The following SRBD1 variants were observed in gnomAD, a reference collection of about 807,000 sequenced individuals.
The protein encoded by SRBD1 is S1 RNA binding domain 1.
Under a neutral mutation model 115.3 loss-of-function variants are expected in SRBD1, and 88 were observed. That is an observed-to-expected ratio of 0.76 (90% CI 0.64 to 0.91). The LOEUF (loss-of-function observed/expected upper bound fraction) is 0.91. Among genes scored for constraint, SRBD1 ranks in the 40% least tolerant of loss-of-function variants. SRBD1 has a pLI of 0.00. For synonymous variants in SRBD1, 509 were observed against 407.7 expected (o/e 1.25, Z -2.99); for missense variants, 1,385 against 1,177.4 (o/e 1.18, Z -2.58).
At chr2:45,541,032 G>A (rs1368041328) in intron 14 of SRBD1, among the ~76,000 whole-genome samples, 1 of 152,222 alleles carries the variant, frequency 6.6e-6, no homozygotes, top group African/African-American at 2.4e-5. Flanking sequence ...AAGCTGGCAG[G>A]CTGTGCTTGG....
intron 14 of SRBD1, among the ~76,000 whole-genome samples, chr2:45,537,627 G>T (rs544313945): frequency 6.6e-6 from 1 of 152,156 alleles, no homozygotes; most frequent in Non-Finnish European, 1.5e-5. Flanking sequence ...GTGTGTTTTG[G>T]GGGGAGGGAC....
At chr2:45,597,860 A>T (rs142962146) in intron 4 of SRBD1, among the ~76,000 whole-genome samples, 2,362 of 152,330 alleles carry the variant, frequency 0.016, 38 homozygotes, top group Middle Eastern at 0.024. Flanking sequence ...TGGGAAGCAG[A>T]GTCATAGAAT....
chr2:45,451,820 G>C (rs867589698), intron 16 of SRBD1, among the ~76,000 whole-genome samples: 10 of 151,592 alleles, frequency 6.6e-5, no homozygotes, highest in South Asian at 4.1e-4. Context: ...CTGGGCAGTA[G>C]AGATATCAAT....
At chr2:45,514,288 C>G (rs185339941) in intron 14 of SRBD1, among the ~76,000 whole-genome samples, 10 of 152,004 alleles carry the variant, frequency 6.6e-5, no homozygotes, top group Non-Finnish European at 1.2e-4. Flanking sequence ...TCACATTCAA[C>G]GAAGTGGTGA....
intron 10 of SRBD1, among the ~76,000 whole-genome samples, 174 bp downstream of exon 10, chr2:45,562,479 C>T (rs1010239442): frequency 6.6e-6 from 1 of 152,142 alleles, no homozygotes; most frequent in Admixed American, 6.5e-5. Flanking sequence ...CGATCCACCC[C>T]CCTCAGCCTC....
At chr2:45,604,338 T>C (rs1674194702) in intron 2 of SRBD1, among the ~76,000 whole-genome samples, 1 of 137,946 alleles carries the variant, frequency 7.2e-6, no homozygotes, top group Non-Finnish European at 1.5e-5. Context: ...ATTTTTATAT[T>C]GAGCCATAAG....
intron 16 of SRBD1, among the ~76,000 whole-genome samples, chr2:45,442,172 C>T (rs762062867): frequency 6.6e-6 from 1 of 152,150 alleles, no homozygotes; most frequent in African/African-American, 2.4e-5. Flanking sequence ...GACATGTCAG[C>T]TCCCAGGTCA....
intron 16 of SRBD1, among the ~76,000 whole-genome samples, chr2:45,436,244 C>G (rs1485376800): frequency 6.6e-6 from 1 of 152,006 alleles, no homozygotes; most frequent in Admixed American, 6.6e-5. Flanking sequence ...AAACTAAGAA[C>G]AAACGGGAAA....
intron 16 of SRBD1, among the ~76,000 whole-genome samples, chr2:45,440,711 A>G (rs868366807): frequency 1.3e-5 from 2 of 152,208 alleles, no homozygotes; most frequent in African/African-American, 4.8e-5. Context: ...GCAAACTTTT[A>G]GCCATAAGAA....
intron 7 of SRBD1, among the ~76,000 whole-genome samples, chr2:45,578,016 T>C (rs549251278): frequency 7.2e-5 from 11 of 152,210 alleles, no homozygotes; most frequent in Non-Finnish European, 1.5e-4. Flanking sequence ...TTGTCATATA[T>C]TCCAGCAGCA....
chr2:45,437,359 A>T (rs1404921041), intron 16 of SRBD1, among the ~76,000 whole-genome samples: 2 of 146,502 alleles, frequency 1.4e-5, no homozygotes, highest in Admixed American at 1.4e-4. Flanking sequence ...TATTGGTTTA[A>T]AAAAAAAAAA....
intron 10 of SRBD1, among the ~76,000 whole-genome samples, chr2:45,554,149 G>C (rs890354740): frequency 3.3e-5 from 5 of 152,122 alleles, no homozygotes; most frequent in African/African-American, 1.2e-4. Flanking sequence ...ATAAGGGTGG[G>C]GCTCTCAGGA....
At chr2:45,424,481 A>G (rs1558383892) in intron 16 of SRBD1, among the ~76,000 whole-genome samples, 3 of 152,174 alleles carry the variant, frequency 2.0e-5, no homozygotes, top group Admixed American at 2.0e-4. Context: ...TGTATTCCAG[A>G]CTGAAAAAAA....
chr2:45,492,857 G>C (rs1670342112), intron 14 of SRBD1, among the ~76,000 whole-genome samples: 1 of 151,962 alleles, frequency 6.6e-6, no homozygotes, highest in Non-Finnish European at 1.5e-5. Context: ...AAATAACTTG[G>C]TTTTTCTGAT....
intron 16 of SRBD1, among the ~76,000 whole-genome samples, chr2:45,464,028 G>A (rs544313400): frequency 2.6e-4 from 40 of 152,016 alleles, no homozygotes; most frequent in African/African-American, 7.5e-4. Context: ...TACTGATTTA[G>A]TCATAATCAA....
intron 16 of SRBD1, among the ~76,000 whole-genome samples, chr2:45,427,837 C>T (rs188257728): frequency 6.6e-6 from 1 of 152,224 alleles, no homozygotes; most frequent in African/African-American, 2.4e-5. Context: ...CAGCTGCACC[C>T]AGATTCATAA....
In SRBD1 at chr2:45,389,587, G is replaced by A; in HGVS notation, c.2711C>T (p.Pro904Leu). Reference sequence around the variant, plus strand: ...GCATACTATGCTTCTCTTGAAATCAGGTTTATCAAAATCTGTAAGAGAAAA... The same window carrying A: ...GCATACTATGCTTCTCTTGAAATCAAGTTTATCAAAATCTGTAAGAGAAAA... Reference protein sequence around the residue: ...SFDFRTDFDKPDFKRSIVCLE... With the variant: ...SFDFRTDFDKLDFKRSIVCLE... The change falls in exon 21 of 21, where the codon CCT (proline) becomes CTT (leucine). Residue 904 changes from proline to leucine, a missense_variant. By Grantham distance (98) the Pro-to-Leu change is moderately conservative. Coordinates refer to ENST00000263736, the MANE Select transcript of SRBD1 (RefSeq NM_018079.5). The A allele has an allele frequency of 6.2e-7, 1 of 1,611,720 alleles. No homozygotes were observed.
At chr2:45,414,987 T>TAC (rs762627339) in intron 18 of SRBD1, among the ~76,000 whole-genome samples, 14 of 108,492 alleles carry the variant, frequency 1.3e-4, no homozygotes, top group South Asian at 2.8e-4. Flanking sequence ...AGTATGTATA[T>TAC]ACACACATAT....
chr2:45,546,937 CTCTT>C, intron 13 of SRBD1, 98 bp from the exon 14 acceptor site: 1 of 1,122,370 alleles, frequency 8.9e-7, no homozygotes, highest in Non-Finnish European at 1.3e-6. Context: ...TTATATGATT[CTCTT>C]ATTCTCTCAT....
Sources: allele counts gnomAD v4.1 joint callset (sites outside exome capture counted in the v4.1 genomes callset), GRCh38; gene constraint gnomAD v4.1.1; transcripts MANE v1.5; gene names NCBI Gene and HGNC (gene_info 2026-07-23, HGNC 2026-07-21).